SEC14L5: variants seen among roughly 807,000 people sequenced by gnomAD.
SEC14L5 encodes the protein SEC14 like lipid binding 5, also known as SEC14-like protein 5.
In SEC14L5, 96 loss-of-function variants were observed where a neutral mutation model predicts 84.6. The ratio of observed to expected loss-of-function variants is 1.13; its 90% CI spans 0.96 to 1.34. SEC14L5 has a LOEUF of 1.34. Among genes scored for constraint, SEC14L5 ranks in the 40% most tolerant of loss-of-function variants. The probability of loss-of-function intolerance (pLI) is 0.00; values close to 1 mark genes in which losing one functional copy is unlikely to be tolerated. For synonymous variants in SEC14L5, 546 were observed against 383.4 expected (o/e 1.42, Z -4.95); for missense variants, 1,224 against 942.5 (o/e 1.30, Z -3.91).
chr16:4,960,874 G>T (rs550615080), intron 2 of SEC14L5: 1 of 152,370 alleles, frequency 6.6e-6, no homozygotes, highest in South Asian at 2.1e-4. Context: ...CTGCGTAATG[G>T]GAGTGGAACA....
intron 14 of SEC14L5, chr16:5,010,780 C>T (rs753978643): frequency 4.0e-4 from 137 of 339,078 alleles, no homozygotes; most frequent in Non-Finnish European, 6.6e-4. Context: ...TTTGCAAATC[C>T]CACTCAGCAG....
At chr16:4,987,937 G>C (rs1955510730) in intron 3 of SEC14L5, among the ~76,000 whole-genome samples, 1 of 152,126 alleles carries the variant, frequency 6.6e-6, no homozygotes, top group South Asian at 2.1e-4. Flanking sequence ...GGGGTTCGCG[G>C]GGCCAGGGCC....
intron 1 of SEC14L5, 39 bp from the exon 2 acceptor site, chr16:4,959,234 G>C (rs1955088933): frequency 1.0e-6 from 1 of 979,262 alleles, no homozygotes; most frequent in Admixed American, 1.8e-5. Flanking sequence ...TGCTTCCCGA[G>C]GTGGGAGCTG....
In SEC14L5 at chr16:4,984,566, G is replaced by A. The variant is rs74249163; in HGVS notation, c.64-2991G>A. The stretch of plus-strand genomic sequence containing the variant: ...GTACATACCTATGAGTGGAATTGCT[G>A]GATCATATGGTAACTCTTTGTTTAA... On this transcript the variant is annotated intron_variant, in intron 2 of 15. Transcript: ENST00000251170. Among the ~76,000 whole-genome samples, 210 of 152,262 alleles carry A rather than the reference G, an allele frequency of 1.4e-3. 4 individuals are homozygous for A. In the East Asian group the frequency reaches 0.035, roughly 26 times the overall value.
chr16:4,968,254 A>G (rs1031710359), intron 2 of SEC14L5, among the ~76,000 whole-genome samples: 8 of 151,210 alleles, frequency 5.3e-5, no homozygotes, highest in South Asian at 2.1e-4. Context: ...ATCTCGGCTC[A>G]CTGAAACCTC....
chr16:4,990,288 G>A (rs1010749081), intron 4 of SEC14L5, among the ~76,000 whole-genome samples: 13 of 151,874 alleles, frequency 8.6e-5, no homozygotes, highest in African/African-American at 2.7e-4. Context: ...TCAGCCTCCC[G>A]AGTAGCTGGG....
At chr16:4,983,841 T>A (rs1009982173) in intron 2 of SEC14L5, among the ~76,000 whole-genome samples, 5 of 151,538 alleles carry the variant, frequency 3.3e-5, no homozygotes, top group Admixed American at 2.0e-4. Flanking sequence ...CGCGCCATTG[T>A]ACTCCACCCT....
At chr16:5,003,624 G>GGGCC in intron 11 of SEC14L5, 51 bp downstream of exon 11, 1 of 305,312 alleles carries the variant, frequency 3.3e-6, no homozygotes, top group Non-Finnish European at 6.5e-6. Context: ...GGTGGGATGG[G>GGGCC]AGGGGTTCCG....
chr16:5,012,755 A>T (rs1047750583), intron 15 of SEC14L5, among the ~76,000 whole-genome samples: 7 of 114,830 alleles, frequency 6.1e-5, no homozygotes, highest in Non-Finnish European at 1.3e-4. Flanking sequence ...AAATACAAAA[A>T]TTAGCCGGGC....
chr16:4,972,108 C>T (rs182561734), intron 2 of SEC14L5, among the ~76,000 whole-genome samples: 375 of 151,892 alleles, frequency 2.5e-3, no homozygotes, highest in Non-Finnish European at 4.3e-3. Context: ...TGGGTTCAAG[C>T]GATTCTCCCA....
At chr16:4,979,690 T>C (rs1208361868) in intron 2 of SEC14L5, among the ~76,000 whole-genome samples, 1 of 151,464 alleles carries the variant, frequency 6.6e-6, no homozygotes, top group Non-Finnish European at 1.5e-5. Flanking sequence ...TGATTGTCCC[T>C]GGAGAGCCCT....
intron 12 of SEC14L5, 148 bp downstream of exon 12, chr16:5,006,196 C>G: frequency 1.3e-6 from 1 of 744,048 alleles, no homozygotes; most frequent in Non-Finnish European, 2.2e-6. Flanking sequence ...TGCTGGCTCT[C>G]AGCAGCCACA....
chr16:5,011,022 C>G (rs1955793548), intron 14 of SEC14L5, 73 bp from the exon 15 acceptor site: 7 of 1,418,216 alleles, frequency 4.9e-6, no homozygotes, highest in Non-Finnish European at 6.7e-6. Flanking sequence ...GATGAGAAGC[C>G]CATGAAGGCT....
intron 11 of SEC14L5, among the ~76,000 whole-genome samples, chr16:5,004,860 G>GTGTTTGTT (rs1955713846): frequency 6.6e-6 from 1 of 152,100 alleles, no homozygotes; most frequent in African/African-American, 2.4e-5. Context: ...TAAACAAACT[G>GTGTTTGTT]TGGAATACTG....
In SEC14L5 at chr16:4,991,954, G is replaced by C; in HGVS notation, c.591G>C (p.Pro197=). The C allele has an allele frequency of 6.3e-7, 1 of 1,596,972 alleles. No homozygotes were observed. Residue 197 remains proline (P), a synonymous_variant, in exon 6 of 16, where the codon CCG becomes CCC. Transcript: ENST00000251170. Reference sequence around the variant, plus strand: ...AGGATGCCCGCAACCAGGCTGGACCGAGGGACCCCAGCTCCCTGGAGGCCC... The same window carrying C: ...AGGATGCCCGCAACCAGGCTGGACCCAGGGACCCCAGCTCCCTGGAGGCCC... ...REEDARNQAG[P]RDPSSLEAHG...
intron 14 of SEC14L5, among the ~76,000 whole-genome samples, chr16:5,009,643 A>G (rs1955777033): frequency 6.6e-6 from 1 of 152,060 alleles, no homozygotes; most frequent in Admixed American, 6.6e-5. Context: ...ATCCTTAACC[A>G]CAAAGACTCT....
In SEC14L5 at chr16:5,012,682, A is replaced by G. The variant is rs980478514; in HGVS notation, c.1979+1409A>G. Reference sequence around the variant, plus strand: ...CACTTTGGGAAGCCGAGGTGGGTGGATCATCTGTGGTCAAGAGTTTGAGAC... The same window carrying G: ...CACTTTGGGAAGCCGAGGTGGGTGGGTCATCTGTGGTCAAGAGTTTGAGAC... On this transcript the variant is annotated intron_variant, in intron 15 of 15. Transcript: ENST00000251170. Among the ~76,000 whole-genome samples the G allele has an allele frequency of 2.3e-4, 35 of 152,202 alleles. 1 individual carries two copies. The highest frequency in any genetic ancestry group is 8.4e-4 in the African/African-American group (35 of 41,446).
chr16:5,005,186 G>A (rs527561685), intron 11 of SEC14L5, among the ~76,000 whole-genome samples: 12 of 152,140 alleles, frequency 7.9e-5, no homozygotes, highest in African/African-American at 2.9e-4. Context: ...ATGGTGGTGG[G>A]AGCCTGTAAT....
intron 2 of SEC14L5, among the ~76,000 whole-genome samples, chr16:4,985,475 G>A (rs1219614914): frequency 6.6e-6 from 1 of 152,040 alleles, no homozygotes; most frequent in Non-Finnish European, 1.5e-5. Context: ...TGATCCACCC[G>A]CCTCAGCCCC....
Sources: gnomAD v4.1 joint callset for allele counts (sites outside exome capture counted in the v4.1 genomes callset) on GRCh38, gnomAD v4.1.1 for gene constraint, MANE v1.5 for transcripts, NCBI Gene and HGNC (gene_info 2026-07-23, HGNC 2026-07-21) for gene names.